Variants in SCML2 observed in about 807,000 individuals in gnomAD.
The protein encoded by SCML2 is Scm polycomb group protein like 2, also known as sex comb on midleg-like protein 2.
Under a neutral mutation model 48.4 loss-of-function variants are expected in SCML2, and 6 were observed. The observed-to-expected ratio is 0.12, with a 90% CI of 0.07 to 0.24. The LOEUF is 0.24. Among genes scored for constraint, SCML2 ranks in the 10% least tolerant of loss-of-function variants. The pLI is 1.00. For synonymous variants in SCML2, 181 were observed against 189.5 expected (o/e 0.95, Z 0.37); for missense variants, 377 against 528.2 (o/e 0.71, Z 2.81).
At chrX:18,252,232 C>A (rs763988181) in intron 11 of SCML2, among the ~76,000 whole-genome samples, 150 of 112,859 alleles carry the variant, frequency 1.3e-3, no homozygotes, top group African/African-American at 4.7e-3. Flanking sequence ...CAAGATCACA[C>A]CACTGCACTC....
chrX:18,241,114 A>C lies in SCML2; in HGVS notation c.*137T>G. 1.9e-6 allele frequency: 1 copy of C among 529,852 alleles called. No homozygotes were observed. The highest frequency in any genetic ancestry group is 2.7e-6 in the Non-Finnish European group (1 of 363,899). The allele number at this position is 529,852 out of a possible 1,213,427, so 43.7% of individuals were successfully genotyped here. On this transcript the variant is annotated 3_prime_UTR_variant, in exon 15 of 15. Coordinates refer to ENST00000251900, the MANE Select transcript of SCML2 (RefSeq NM_006089.3). The stretch of plus-strand genomic sequence containing the variant: ...AAAAAACAAAGTTGACTGAACTGTT[A>C]CTACAGTTCTGCAATTCTGATAAAA...
chrX:18,317,711 G>A (rs1929171616), intron 6 of SCML2, among the ~76,000 whole-genome samples: 1 of 108,713 alleles, frequency 9.2e-6, no homozygotes, highest in Non-Finnish European at 1.9e-5. Context: ...GCAGGCGCCT[G>A]TAGTCCCAGC....
At chrX:18,312,538 G>T (rs1602127640) in intron 6 of SCML2, among the ~76,000 whole-genome samples, 1 of 108,032 alleles carries the variant, frequency 9.3e-6, no homozygotes, top group Admixed American at 9.9e-5. Context: ...TTTTGGGTTT[G>T]TTTTTTTTTA....
chrX:18,271,381 A>G (rs962246667), intron 7 of SCML2, among the ~76,000 whole-genome samples: 2 of 108,028 alleles, frequency 1.9e-5, no homozygotes, highest in Non-Finnish European at 3.8e-5. Flanking sequence ...CTGTCCTGTA[A>G]CAACAACAAC....
intron 2 of SCML2, among the ~76,000 whole-genome samples, chrX:18,331,155 G>A (rs1198808923): frequency 9.5e-6 from 1 of 104,859 alleles, no homozygotes; most frequent in Non-Finnish European, 1.9e-5. Flanking sequence ...AGCTACTCGG[G>A]CAGCTGAGAC....
At chrX:18,294,249 C>G (rs1448684846) in intron 7 of SCML2, among the ~76,000 whole-genome samples, 2 of 111,282 alleles carry the variant, frequency 1.8e-5, no homozygotes, top group Admixed American at 9.5e-5. Flanking sequence ...AATCTTCAAA[C>G]TGAGCATCTA....
In SCML2 at chrX:18,354,678, T is replaced by C; in HGVS notation, c.-111A>G. 3.5e-6 allele frequency: 1 copy of C among 282,099 alleles called. No individual in the cohort carries two copies. The highest frequency in any genetic ancestry group is 6.3e-5 in the Admixed American group (1 of 15,961). The allele number at this position is 282,099 out of a possible 1,213,427, so 23.2% of individuals were successfully genotyped here. On this transcript the variant is annotated 5_prime_UTR_variant, in exon 1 of 15. Coordinates refer to ENST00000251900, the MANE Select transcript of SCML2 (RefSeq NM_006089.3). ...AGCTTCACACCGCCGCCGCCATGTT[T>C]GAGAAGCCGCGCGCGGAGCCGCGCA...
intron 6 of SCML2, among the ~76,000 whole-genome samples, chrX:18,319,316 G>A (rs999826950): frequency 4.4e-4 from 49 of 110,692 alleles, no homozygotes; most frequent in African/African-American, 6.6e-4. Context: ...GCTTTAACCC[G>A]GGAAGCCGAG....
chrX:18,352,567 T>A (rs1469160406), intron 1 of SCML2, among the ~76,000 whole-genome samples: 1 of 111,991 alleles, frequency 8.9e-6, no homozygotes, highest in Non-Finnish European at 1.9e-5. Flanking sequence ...TTTTTAGCTA[T>A]AACTCCCTGA....
chrX:18,252,282 AAAAC>A (rs1308442158), intron 11 of SCML2, among the ~76,000 whole-genome samples: 7 of 112,918 alleles, frequency 6.2e-5, no homozygotes, highest in African/African-American at 9.6e-5. Flanking sequence ...TCAAAAAAAC[AAAAC>A]AAACAAACAA....
rs373198898 is a variant in SCML2 at position 18,289,585 on chromosome X, C to T, written c.730+15387G>A. 2.7e-5 allele frequency among the ~76,000 whole-genome samples: 3 copies of T among 111,896 alleles called. No individual in the cohort carries two copies. In the South Asian group the frequency reaches 1.1e-3, roughly 42 times the overall value. On this transcript the variant is annotated intron_variant, in intron 7 of 14. Transcript: ENST00000251900. ...GCCTTCTAGTGGGACTAACACACCT[C>T]GAACTTTTTACAACCTTAGTTATAT... is the stretch of plus-strand genomic sequence containing the variant.
At chrX:18,250,953 G>C (rs982152888) in intron 11 of SCML2, among the ~76,000 whole-genome samples, 3 of 110,106 alleles carry the variant, frequency 2.7e-5, no homozygotes, top group African/African-American at 6.6e-5. Context: ...CAGAGCAAAG[G>C]GGGGAAGCCC....
In SCML2 at chrX:18,301,261, G is replaced by A. The variant is rs775793654; in HGVS notation, c.730+3711C>T. ...AAAATTACAAAAATTAACTGAGCGT[G>A]ATGGTGGGCACCTGTAGTCCTAGCT... On this transcript the variant is annotated intron_variant, in intron 7 of 14. Coordinates refer to ENST00000251900, the MANE Select transcript of SCML2 (RefSeq NM_006089.3). 4.5e-5 allele frequency among the ~76,000 whole-genome samples: 5 copies of A among 110,880 alleles called. No homozygotes were observed. The South Asian group carries it at 1.9e-3, about 43-fold the overall frequency.
intron 7 of SCML2, among the ~76,000 whole-genome samples, chrX:18,303,208 A>T (rs1483116002): frequency 1.8e-5 from 2 of 111,501 alleles, no homozygotes; most frequent in African/African-American, 6.5e-5. Context: ...GTGTACTTTT[A>T]TTCCATCAAT....
intron 7 of SCML2, among the ~76,000 whole-genome samples, chrX:18,278,436 A>G (rs1398101723): frequency 8.9e-6 from 1 of 111,848 alleles, no homozygotes; most frequent in Non-Finnish European, 1.9e-5. Flanking sequence ...TGCATCCCCC[A>G]TGGACATGTG....
At chrX:18,294,414 T>G (rs936441885) in intron 7 of SCML2, among the ~76,000 whole-genome samples, 1 of 110,609 alleles carries the variant, frequency 9.0e-6, no homozygotes, top group South Asian at 3.9e-4. Flanking sequence ...GTGGTCAATA[T>G]TCCCACCATG....
intron 6 of SCML2, 65 bp downstream of exon 6, chrX:18,320,267 T>C (rs1929273320): frequency 9.8e-6 from 6 of 609,766 alleles, no homozygotes; most frequent in Non-Finnish European, 1.5e-5. Context: ...CACAGAAGAT[T>C]AAGCATTTAA....
At chrX:18,308,828 C>T (rs1463563911) in intron 6 of SCML2, among the ~76,000 whole-genome samples, 1 of 111,530 alleles carries the variant, frequency 9.0e-6, no homozygotes, top group Non-Finnish European at 1.9e-5. Context: ...TGAACAGATA[C>T]TTCTCAAAAG....
chrX:18,308,435 A>G (rs5909175), intron 6 of SCML2, among the ~76,000 whole-genome samples: 29,466 of 108,414 alleles, frequency 0.27, 3,570 homozygotes, highest in African/African-American at 0.45. Context: ...CCATCACAAG[A>G]GATTAATAAC....
Sources: gnomAD v4.1 joint callset for allele counts (sites outside exome capture counted in the v4.1 genomes callset) on GRCh38, gnomAD v4.1.1 for gene constraint, MANE v1.5 for transcripts, NCBI Gene and HGNC (gene_info 2026-07-23, HGNC 2026-07-21) for gene names.